DGKH: variants seen among roughly 807,000 people sequenced by gnomAD.
DGKH encodes the protein diacylglycerol kinase eta.
DGKH carries 90 observed loss-of-function variants against 159.3 expected under a neutral mutation model. The ratio of observed to expected loss-of-function variants is 0.57; its 90% CI spans 0.48 to 0.67. DGKH has a LOEUF of 0.67. Ranked by LOEUF, DGKH falls within the 30% of genes least tolerant of loss-of-function variation. The probability of loss-of-function intolerance (pLI) is 0.00; values close to 1 mark genes in which losing one functional copy is unlikely to be tolerated. For synonymous variants in DGKH, 536 were observed against 553.8 expected (o/e 0.97, Z 0.45); for missense variants, 1,181 against 1,506.1 (o/e 0.78, Z 3.57).
intron 11 of DGKH, among the ~76,000 whole-genome samples, chr13:42,171,510 A>G (rs1956453570): frequency 6.6e-6 from 1 of 152,188 alleles, no homozygotes; most frequent in Admixed American, 6.5e-5. Context: ...GGGGAGGTAT[A>G]GCATGGAGGG....
chr13:42,127,308 T>C (rs1053861106), intron 1 of DGKH, among the ~76,000 whole-genome samples, 155 bp from the exon 2 acceptor site: 6 of 152,230 alleles, frequency 3.9e-5, no homozygotes, highest in Non-Finnish European at 7.3e-5. Flanking sequence ...TTTGCACATA[T>C]GCAAAGCTGT....
intron 12 of DGKH, among the ~76,000 whole-genome samples, chr13:42,176,198 G>C (rs1200872400): frequency 1.3e-5 from 2 of 151,944 alleles, no homozygotes; most frequent in African/African-American, 2.4e-5. Context: ...GTTTCAAATG[G>C]CATTAATCAA....
chr13:42,053,538 A>G (rs1344432605), intron 1 of DGKH, among the ~76,000 whole-genome samples: 5 of 59,486 alleles, frequency 8.4e-5, no homozygotes, highest in Admixed American at 6.0e-4. Flanking sequence ...CTATATATGT[A>G]TATATATAAC....
intron 1 of DGKH, among the ~76,000 whole-genome samples, chr13:42,097,475 T>C (rs761253758): frequency 2.0e-5 from 3 of 152,204 alleles, no homozygotes; most frequent in East Asian, 3.8e-4. Flanking sequence ...ACCCCTGTTA[T>C]CAGCATTTTT....
At chr13:42,147,530 G>A (rs1955766902) in intron 3 of DGKH, among the ~76,000 whole-genome samples, 1 of 152,162 alleles carries the variant, frequency 6.6e-6, no homozygotes, top group African/African-American at 2.4e-5. Context: ...CATTACATAT[G>A]TGTCTTGTAC....
chr13:42,168,964 T>TGTC, intron 11 of DGKH, 146 bp downstream of exon 11: 1 of 875,948 alleles, frequency 1.1e-6, no homozygotes, highest in African/African-American at 1.7e-5. Context: ...GTCCACTGGT[T>TGTC]AATCCCTGAG....
chr13:42,197,329 A>G (rs932332032), intron 17 of DGKH, among the ~76,000 whole-genome samples: 3 of 146,502 alleles, frequency 2.0e-5, no homozygotes, highest in African/African-American at 7.3e-5. Flanking sequence ...CACCTCTCCA[A>G]ACTGTTCTTT....
In DGKH at chr13:42,187,050, A is replaced by C; in HGVS notation, c.1540A>C (p.Thr514Pro). Residue 514 changes from threonine to proline, a missense_variant and splice_region_variant, in exon 14 of 30, where the codon ACG becomes CCG. By Grantham distance (38) the Thr-to-Pro change is conservative. Coordinates refer to ENST00000337343, the MANE Select transcript of DGKH (RefSeq NM_178009.5). ...TTGTACAACTTCTTTTCCTCAAAGG[A>C]CGCTATGTGAAACTGTAAAGGACTT... ...EHAVVISSAK[T>P]LCETVKDFVA... 5.6e-6 allele frequency: 9 copies of C among 1,613,652 alleles called. No individual in the cohort carries two copies. Among genetic ancestry groups the C allele is most frequent in the Non-Finnish European group, 7.6e-6 (9 of 1,179,674 alleles).
chr13:42,160,244 GGT>G (rs1956147002), intron 7 of DGKH, 108 bp downstream of exon 7: 1 of 1,437,142 alleles, frequency 7.0e-7, no homozygotes, highest in East Asian at 2.3e-5. Flanking sequence ...AGCTGAACCT[GGT>G]AGCATACGCA....
chr13:42,158,479 A>G (rs1302883436), intron 5 of DGKH, among the ~76,000 whole-genome samples: 1 of 152,166 alleles, frequency 6.6e-6, no homozygotes, highest in Non-Finnish European at 1.5e-5. Flanking sequence ...AGTATGGTCA[A>G]TTTTTCAAAT....
chr13:42,204,031 G>A (rs1181329502), intron 20 of DGKH, among the ~76,000 whole-genome samples: 1 of 152,112 alleles, frequency 6.6e-6, no homozygotes, highest in African/African-American at 2.4e-5. Flanking sequence ...AGATTTAGAT[G>A]TGTTGCTTAA....
At chr13:42,170,566 A>G (rs1956426083) in intron 11 of DGKH, among the ~76,000 whole-genome samples, 1 of 152,162 alleles carries the variant, frequency 6.6e-6, no homozygotes, top group Non-Finnish European at 1.5e-5. Flanking sequence ...ACAAAAATCA[A>G]AGTGGATTCA....
At chr13:42,179,341 G>A (rs1480908351) in intron 13 of DGKH, among the ~76,000 whole-genome samples, 2 of 152,246 alleles carry the variant, frequency 1.3e-5, no homozygotes, top group Non-Finnish European at 2.9e-5. Context: ...ATTGGAAACT[G>A]CATCGAATAG....
In DGKH at chr13:42,237,985, A is replaced by G. The variant is rs1017388611; in HGVS notation, c.*8797A>G. 1 of 152,218 alleles carries G rather than the reference A, an allele frequency of 6.6e-6. No homozygotes were observed. Among genetic ancestry groups the G allele is most frequent in the Admixed American group, 6.5e-5 (1 of 15,284 alleles). 9.4% of individuals were successfully genotyped at this position (152,218 alleles called of 1,614,324 possible). ...AACAAAACAATTATTGAAATTCACAATACCTAGAGATGGGAACATGGTTTA... is the reference window on the plus strand; with the variant it reads ...AACAAAACAATTATTGAAATTCACAGTACCTAGAGATGGGAACATGGTTTA... On this transcript the variant is annotated 3_prime_UTR_variant, in exon 30 of 30. Coordinates refer to ENST00000337343, the MANE Select transcript of DGKH (RefSeq NM_178009.5).
chr13:42,158,223 G>A (rs1956091995), intron 5 of DGKH, among the ~76,000 whole-genome samples: 1 of 152,210 alleles, frequency 6.6e-6, no homozygotes, highest in Admixed American at 6.5e-5. Context: ...AGTTTCAAGA[G>A]AATGGTGTGT....
chr13:42,139,224 G>A (rs1370365926), intron 3 of DGKH, among the ~76,000 whole-genome samples: 2 of 152,192 alleles, frequency 1.3e-5, no homozygotes, highest in African/African-American at 4.8e-5. Context: ...CAGAACCGGT[G>A]TCTCCACCTT....
intron 27 of DGKH, 50 bp from the exon 28 acceptor site, chr13:42,219,630 AGGTTTT>A: frequency 1.3e-6 from 2 of 1,523,480 alleles, no homozygotes; most frequent in South Asian, 2.4e-5. Flanking sequence ...TTATCAGAGT[AGGTTTT>A]TCTCCTTTTC....
At chr13:42,098,863 CT>C (rs1673261360) in intron 1 of DGKH, among the ~76,000 whole-genome samples, 1 of 152,188 alleles carries the variant, frequency 6.6e-6, no homozygotes, top group Admixed American at 6.5e-5. Flanking sequence ...AGAAAAATAA[CT>C]TTTAATATGA....
chr13:42,042,384 A>AT (rs955673751), intron 1 of DGKH, among the ~76,000 whole-genome samples: 3 of 151,662 alleles, frequency 2.0e-5, no homozygotes, highest in Admixed American at 6.6e-5. Flanking sequence ...AAATTAGATA[A>AT]TTTTTTTTTC....
Sources: allele counts gnomAD v4.1 joint callset (sites outside exome capture counted in the v4.1 genomes callset), GRCh38; gene constraint gnomAD v4.1.1; transcripts MANE v1.5; gene names NCBI Gene and HGNC (gene_info 2026-07-23, HGNC 2026-07-21).